Variants in TNR observed in about 807,000 individuals in gnomAD.
TNR encodes tenascin R, also known as tenascin-R.
A neutral mutation model predicts 150.4 loss-of-function variants in TNR; 45 were observed. The ratio of observed to expected loss-of-function variants is 0.30; its 90% confidence interval spans 0.24 to 0.38. The LOEUF (loss-of-function observed/expected upper bound fraction) is 0.38, where lower values mean the gene tolerates loss of function less well. TNR is among the 10% of genes least tolerant of loss of function. TNR has a pLI of 1.00. For missense variants in TNR, 1,544 were observed against 1,759.1 expected (o/e 0.88, Z 2.19); for synonymous variants, 687 against 678.4 (o/e 1.01, Z -0.20).
chr1:175,381,384 T>TTTG (rs929119496), intron 8 of TNR, among the ~76,000 whole-genome samples: 12 of 152,132 alleles, frequency 7.9e-5, no homozygotes, highest in African/African-American at 2.7e-4. Flanking sequence ...AACTATGGTT[T>TTTG]TTGTTGTTGT....
intron 2 of TNR, among the ~76,000 whole-genome samples, chr1:175,422,544 A>G (rs965739177): frequency 9.9e-5 from 15 of 152,258 alleles, no homozygotes; most frequent in African/African-American, 3.6e-4. Flanking sequence ...TGGCCCCGAG[A>G]GGGCTGGGAC....
At chr1:175,733,308 G>A (rs543306263) in intron 1 of TNR, among the ~76,000 whole-genome samples, 2 of 152,172 alleles carry the variant, frequency 1.3e-5, no homozygotes, top group Non-Finnish European at 2.9e-5. Flanking sequence ...CCTCCCATAA[G>A]AAATAGCGAA....
chr1:175,680,640 C>A (rs2101909951), intron 1 of TNR, among the ~76,000 whole-genome samples: 1 of 152,090 alleles, frequency 6.6e-6, no homozygotes, highest in South Asian at 2.1e-4. Flanking sequence ...AGAGACAGAG[C>A]CTCAAGGGGT....
At chr1:175,459,234 A>G (rs1656709243) in intron 2 of TNR, among the ~76,000 whole-genome samples, 1 of 146,496 alleles carries the variant, frequency 6.8e-6, no homozygotes. Flanking sequence ...CCATTATCAC[A>G]ACGACCACCA....
intron 18 of TNR, among the ~76,000 whole-genome samples, chr1:175,349,947 C>T (rs567392001): frequency 2.0e-5 from 3 of 152,336 alleles, no homozygotes; most frequent in East Asian, 1.9e-4. Context: ...AGCCCTATCA[C>T]CTCTGCACTT....
At chr1:175,331,258 C>G (rs1649913377) in intron 20 of TNR, among the ~76,000 whole-genome samples, 1 of 130,654 alleles carries the variant, frequency 7.7e-6, no homozygotes, top group African/African-American at 2.9e-5. Flanking sequence ...TCCCTCCCTC[C>G]CTTCCTTCCT....
intron 2 of TNR, among the ~76,000 whole-genome samples, chr1:175,509,035 G>T (rs932373109): frequency 2.0e-5 from 3 of 152,172 alleles, no homozygotes; most frequent in Non-Finnish European, 2.9e-5. Flanking sequence ...TGAAGGCAGG[G>T]ACTGTATCTT....
At chr1:175,698,850 C>A (rs560703508) in intron 1 of TNR, among the ~76,000 whole-genome samples, 1 of 151,644 alleles carries the variant, frequency 6.6e-6, no homozygotes, top group Non-Finnish European at 1.5e-5. Flanking sequence ...CTGGCAGTGA[C>A]GGGAGGCAGA....
At chr1:175,637,916 G>A (rs1301571984) in intron 1 of TNR, among the ~76,000 whole-genome samples, 1 of 152,158 alleles carries the variant, frequency 6.6e-6, no homozygotes, top group Admixed American at 6.5e-5. Flanking sequence ...AATATAATGA[G>A]GGGGAAATGA....
In TNR at chr1:175,677,016, A is replaced by G. The variant is rs546450165; in HGVS notation, c.-165+66210T>C. ...CCAGTCACACCTGAGCCCACTCAGA[A>G]AAGAAGTAGCCGAGATAGGATTTGG... On this transcript the variant is annotated intron_variant, in intron 1 of 22. Coordinates refer to ENST00000367674, the MANE Select transcript of TNR (RefSeq NM_003285.3). Among the ~76,000 whole-genome samples, 3 of 152,348 alleles carry G rather than the reference A, an allele frequency of 2.0e-5. No homozygotes were observed. In the South Asian group the frequency reaches 6.2e-4, roughly 32 times the overall value.
chr1:175,584,070 T>C (rs1312657304), intron 1 of TNR, among the ~76,000 whole-genome samples: 2 of 152,188 alleles, frequency 1.3e-5, no homozygotes, highest in Non-Finnish European at 2.9e-5. Context: ...GTGCTATTAA[T>C]GGCTAAATTG....
intron 1 of TNR, among the ~76,000 whole-genome samples, chr1:175,580,001 C>A (rs1486836186): frequency 6.6e-6 from 1 of 152,120 alleles, no homozygotes; most frequent in African/African-American, 2.4e-5. Context: ...GAAAGGAAAG[C>A]TGGAGACAGG....
At chr1:175,671,463 C>G (rs1414314196) in intron 1 of TNR, among the ~76,000 whole-genome samples, 1 of 152,168 alleles carries the variant, frequency 6.6e-6, no homozygotes, top group Non-Finnish European at 1.5e-5. Flanking sequence ...CATTTAGTAC[C>G]CCTGGCACTT....
At chr1:175,738,991 T>G (rs1462536159) in intron 1 of TNR, among the ~76,000 whole-genome samples, 1 of 152,206 alleles carries the variant, frequency 6.6e-6, no homozygotes, top group Non-Finnish European at 1.5e-5. Context: ...TTCAACTTTG[T>G]ATTTCTGTAT....
intron 1 of TNR, among the ~76,000 whole-genome samples, chr1:175,741,274 T>G (rs1667922003): frequency 6.6e-6 from 1 of 152,250 alleles, no homozygotes; most frequent in African/African-American, 2.4e-5. Flanking sequence ...CTTCCCACTT[T>G]AAGCGTCTGT....
Position 175,386,287 on chromosome 1 carries a change from T to C in TNR, c.1522A>G (p.Thr508Ala), listed in dbSNP as rs1356943764. 1 of 1,568,874 alleles carries C rather than the reference T, an allele frequency of 6.4e-7. No homozygotes were observed. Among genetic ancestry groups the C allele is most frequent in the Non-Finnish European group, 8.7e-7 (1 of 1,151,452 alleles). ...GAGACATCGCGAACCAGGATCTGCGTGGGGCCGTCAATGACTGAGTGAGAA... is the reference window on the plus strand; with the variant it reads ...GAGACATCGCGAACCAGGATCTGCGCGGGGCCGTCAATGACTGAGTGAGAA... ...ASVSTVIDGP[T>A]QILVRDVSDT... The change falls in exon 8 of 23, where the codon ACG (threonine) becomes GCG (alanine). Residue 508 changes from threonine (T) to alanine (A), a missense_variant. Physicochemically the swap from Thr to Ala is moderately conservative, Grantham distance 58. Around this residue, in one of 2 missense-constraint regions of TNR, gnomAD observed 1,254 missense variants for 1,329.4 expected, o/e 0.94. Coordinates refer to ENST00000367674, the MANE Select transcript of TNR (RefSeq NM_003285.3).
At chr1:175,399,615 T>G (rs1175843339) in intron 4 of TNR, among the ~76,000 whole-genome samples, 1 of 152,172 alleles carries the variant, frequency 6.6e-6, no homozygotes, top group Non-Finnish European at 1.5e-5. Flanking sequence ...CAGTAATCCT[T>G]ATAAAAGAAA....
intron 1 of TNR, among the ~76,000 whole-genome samples, chr1:175,563,149 C>T (rs960813162): frequency 6.6e-6 from 1 of 152,188 alleles, no homozygotes; most frequent in African/African-American, 2.4e-5. Context: ...TGACATGGTT[C>T]TCTCTTTTCC....
At chr1:175,737,933 G>A (rs1014237603) in intron 1 of TNR, among the ~76,000 whole-genome samples, 12 of 152,164 alleles carry the variant, frequency 7.9e-5, no homozygotes, top group Non-Finnish European at 1.0e-4. Flanking sequence ...TGCTCCCCAA[G>A]GGTGAGGGCT....
Sources: gnomAD v4.1 joint callset for allele counts (sites outside exome capture counted in the v4.1 genomes callset) on GRCh38, gnomAD v4.1.1 for gene constraint, gnomAD v4.1.1 regional missense constraint, MANE v1.5 for transcripts, NCBI Gene and HGNC (gene_info 2026-07-23, HGNC 2026-07-21) for gene names.